The following NDC1 variants were observed in gnomAD, a reference collection of about 807,000 sequenced individuals.
NDC1 encodes the protein nucleoporin NDC1.
NDC1 carries 24 observed loss-of-function variants against 89.8 expected under a neutral mutation model. The ratio of observed to expected loss-of-function variants is 0.27; its 90% CI spans 0.19 to 0.38. NDC1 has a LOEUF of 0.38. Ranked by LOEUF, NDC1 falls within the 10% of genes least tolerant of loss-of-function variation. The pLI is 1.00. For missense variants in NDC1, 728 were observed against 797.6 expected (o/e 0.91, Z 1.05); for synonymous variants, 296 against 284.8 (o/e 1.04, Z -0.39).
intron 10 of NDC1, among the ~76,000 whole-genome samples, chr1:53,803,664 C>T (rs559449364): frequency 1.9e-4 from 29 of 152,324 alleles, no homozygotes; most frequent in African/African-American, 6.7e-4. Flanking sequence ...CTCCGCCTCC[C>T]AGGCTCACGC....
rs199774134 is a variant in NDC1, at chr1:53,773,977, G to A, written c.1801-1488C>T. Among the ~76,000 whole-genome samples the A allele has an allele frequency of 7.9e-5, 12 of 152,122 alleles. No individual in the cohort carries two copies. In the East Asian group the frequency reaches 1.2e-3, roughly 15 times the overall value. On this transcript the variant is annotated intron_variant, in intron 16 of 17. Coordinates refer to ENST00000371429, the MANE Select transcript of NDC1 (RefSeq NM_018087.5). Reference sequence around the variant, plus strand: ...ATTTTGGGTACCTGTCCCTTCACGCGTGGTTCTAGAGTTACTTGGTGCTTC... The same window carrying A: ...ATTTTGGGTACCTGTCCCTTCACGCATGGTTCTAGAGTTACTTGGTGCTTC...
Position 53,791,379 on chromosome 1 carries a change from T to G in NDC1, c.1635+1850A>C, listed in dbSNP as rs1007364567. 3.4e-5 allele frequency among the ~76,000 whole-genome samples: 5 copies of G among 148,000 alleles called. No individual in the cohort carries two copies. The East Asian group carries it at 9.9e-4, about 29-fold the overall frequency. On this transcript the variant is annotated intron_variant, in intron 14 of 17. Transcript: ENST00000371429. ...GCTTGCAGTGAGCCCGAGCTTGCAG[T>G]GAGCCCAGATCGCGCCACCGCACTC...
chr1:53,767,777 A>G lies in NDC1; in HGVS notation c.*193T>C. The stretch of plus-strand genomic sequence containing the variant: ...ACACAAAAAGCAATCGGTACAGAAA[A>G]GGCAGTTTTCAGTTATTCTGTTGAG... On this transcript the variant is annotated 3_prime_UTR_variant, in exon 18 of 18. Coordinates refer to ENST00000371429, the MANE Select transcript of NDC1 (RefSeq NM_018087.5). 1 of 428,322 alleles carries G rather than the reference A, an allele frequency of 2.3e-6. No homozygotes were observed. The highest frequency in any genetic ancestry group is 3.5e-5 in the East Asian group (1 of 28,376). 26.5% of individuals were successfully genotyped at this position (428,322 alleles called of 1,614,324 possible). A position where few individuals can be genotyped will look rare whatever the true frequency, so the allele number is the denominator to read the frequency against.
rs544017730 is a variant in NDC1 at position 53,837,365 on chromosome 1, G to A, written c.57+840C>T. Reference sequence around the variant, plus strand: ...AGGCGGATGACTCACTTGAGGTCAGGAGTTCAAGACCGGCCTGACCAACAT... The same window carrying A: ...AGGCGGATGACTCACTTGAGGTCAGAAGTTCAAGACCGGCCTGACCAACAT... On this transcript the variant is annotated intron_variant, in intron 1 of 17. Transcript: ENST00000371429. Among the ~76,000 whole-genome samples the A allele has an allele frequency of 3.3e-5, 5 of 152,336 alleles. No individual in the cohort carries two copies. The East Asian group carries it at 9.6e-4, about 29-fold the overall frequency.
At chr1:53,786,474 C>G (rs1219096248) in intron 16 of NDC1, among the ~76,000 whole-genome samples, 1 of 152,218 alleles carries the variant, frequency 6.6e-6, no homozygotes, top group Admixed American at 6.5e-5. Flanking sequence ...TCTTGAGCCT[C>G]AACCCAATAG....
intron 14 of NDC1, among the ~76,000 whole-genome samples, chr1:53,790,372 A>G (rs1647452153): frequency 6.7e-6 from 1 of 148,220 alleles, no homozygotes; most frequent in Admixed American, 6.8e-5. Flanking sequence ...TCTCAAAAAA[A>G]AAAACCCCAA....
At chr1:53,811,395 G>A (rs1648300819) in intron 6 of NDC1, among the ~76,000 whole-genome samples, 2 of 152,140 alleles carry the variant, frequency 1.3e-5, no homozygotes, top group African/African-American at 2.4e-5. Context: ...AGCCCATCTG[G>A]CCTTCCACCT....
intron 16 of NDC1, among the ~76,000 whole-genome samples, chr1:53,773,729 C>CCTGACTACAAG (rs1553146378): frequency 6.6e-6 from 1 of 152,150 alleles, no homozygotes; most frequent in Non-Finnish European, 1.5e-5. Flanking sequence ...CTTCTAGTAT[C>CCTGACTACAAG]CTGACTACAG....
intron 11 of NDC1, 102 bp downstream of exon 11, chr1:53,800,591 C>A (rs767366152): frequency 3.1e-6 from 4 of 1,298,542 alleles, no homozygotes; most frequent in African/African-American, 1.5e-5. Context: ...TCCCAAAGTG[C>A]GGGGATAACA....
chr1:53,781,712 G>A (rs190247513), intron 16 of NDC1, among the ~76,000 whole-genome samples: 2 of 152,254 alleles, frequency 1.3e-5, no homozygotes, highest in East Asian at 3.9e-4. Flanking sequence ...TTAAACTTAC[G>A]CTCTTCACTT....
At chr1:53,815,419 T>G (rs1187878285) in intron 6 of NDC1, among the ~76,000 whole-genome samples, 1 of 152,196 alleles carries the variant, frequency 6.6e-6, no homozygotes, top group Non-Finnish European at 1.5e-5. Flanking sequence ...ATAATTAAAA[T>G]TCTCAGCAAC....
chr1:53,836,571 C>G (rs1198929115), intron 1 of NDC1, among the ~76,000 whole-genome samples: 1 of 151,890 alleles, frequency 6.6e-6, no homozygotes, highest in Admixed American at 6.6e-5. Context: ...TCTCAGCTCA[C>G]TGCAACCTCC....
At position 53,828,438 on chromosome 1, in the gene NDC1, T is replaced by C. The variant is rs1279617848; in HGVS notation, c.281-265A>G. Among the ~76,000 whole-genome samples, 6 of 152,050 alleles carry C rather than the reference T, an allele frequency of 3.9e-5. No individual in the cohort carries two copies. The South Asian group carries it at 1.2e-3, about 32-fold the overall frequency. On this transcript the variant is annotated intron_variant, in intron 3 of 17. Transcript: ENST00000371429. ...CATGATCAACATTTTTCATTAAAATTTCCTAATAGTTCCAATAGTGCCTAT... is the reference window on the plus strand; with the variant it reads ...CATGATCAACATTTTTCATTAAAATCTCCTAATAGTTCCAATAGTGCCTAT...
At chr1:53,775,328 C>A (rs546974606) in intron 16 of NDC1, among the ~76,000 whole-genome samples, 1 of 149,280 alleles carries the variant, frequency 6.7e-6, no homozygotes, top group East Asian at 2.0e-4. Context: ...GTGATCTCGG[C>A]TCACTGCAAC....
chr1:53,832,623 T>C lies in NDC1; in HGVS notation c.179-32A>G, dbSNP rs149237491. The C allele has an allele frequency of 8.9e-5, 103 of 1,161,086 alleles. No homozygotes were observed. The East Asian group carries it at 2.2e-3, about 25-fold the overall frequency. The allele number at this position is 1,161,086 out of a possible 1,614,324, so 71.9% of individuals were successfully genotyped here. A position where few individuals can be genotyped will look rare whatever the true frequency, so the allele number is the denominator to read the frequency against. Reference sequence around the variant, plus strand: ...CACAAGAGAGATGAATTAGTAAAGGTTATTCAGTCATGTAGTCACGTTCAG... The same window carrying C: ...CACAAGAGAGATGAATTAGTAAAGGCTATTCAGTCATGTAGTCACGTTCAG... On this transcript the variant is annotated intron_variant, in intron 2 of 17. Transcript: ENST00000371429.
At chr1:53,787,839 G>T (rs1647354474) in intron 15 of NDC1, among the ~76,000 whole-genome samples, 1 of 142,398 alleles carries the variant, frequency 7.0e-6, no homozygotes, top group East Asian at 2.0e-4. Flanking sequence ...ATAATATAGT[G>T]TTGCGTAATA....
chr1:53,812,678 A>G (rs963441866), intron 6 of NDC1, among the ~76,000 whole-genome samples: 7 of 152,250 alleles, frequency 4.6e-5, no homozygotes, highest in African/African-American at 1.4e-4. Flanking sequence ...CTTGGAAAAC[A>G]TATATGGGGG....
At chr1:53,779,782 T>G (rs1197205476) in intron 16 of NDC1, among the ~76,000 whole-genome samples, 1 of 152,210 alleles carries the variant, frequency 6.6e-6, no homozygotes, top group African/African-American at 2.4e-5. Context: ...AAAAACATTT[T>G]TAAAGCATTT....
At chr1:53,786,690 A>T (rs993323620) in intron 16 of NDC1, among the ~76,000 whole-genome samples, 2 of 152,054 alleles carry the variant, frequency 1.3e-5, no homozygotes, top group East Asian at 3.9e-4. Context: ...CTTCCAAACT[A>T]TCTTTTAGTT....
Sources: gnomAD v4.1 joint callset for allele counts (sites outside exome capture counted in the v4.1 genomes callset) on GRCh38, gnomAD v4.1.1 for gene constraint, MANE v1.5 for transcripts, NCBI Gene and HGNC (gene_info 2026-07-23, HGNC 2026-07-21) for gene names.